The following PCDH8 variants were observed in gnomAD, a reference collection of about 807,000 sequenced individuals.
PCDH8 encodes the protein protocadherin-8.
A neutral mutation model predicts 58.2 loss-of-function variants in PCDH8; 36 were observed. That is an observed-to-expected ratio of 0.62 (90% CI 0.47 to 0.82). The LOEUF is 0.82. Ranked by LOEUF, PCDH8 falls within the 40% of genes least tolerant of loss-of-function variation. The pLI is 0.00. For synonymous variants in PCDH8, 775 were observed against 728.9 expected, an observed-to-expected ratio of 1.06 and a Z score of -1.02; for missense variants, 1,493 against 1,567.8, an observed-to-expected ratio of 0.95 and a Z score of 0.81.
chr13:52,846,663 T>C lies in PCDH8; in HGVS notation c.1774A>G (p.Ser592Gly). 1 of 1,602,826 alleles carries C rather than the reference T, an allele frequency of 6.2e-7. No individual in the cohort carries two copies. The highest frequency in any genetic ancestry group is 8.5e-7 in the Non-Finnish European group (1 of 1,177,774). Residue 592 changes from serine (S) to glycine (G), a missense_variant, in exon 1 of 3, where the codon AGC becomes GGC. Ser to Gly is a moderately conservative substitution (Grantham distance 56, BLOSUM62 0). Around this residue, in one of 3 missense-constraint regions of PCDH8, gnomAD observed 1,307 missense variants for 1,362.7 expected, o/e 0.96. Transcript: ENST00000377942. ...SDGGSPQLSS[S>G]ALVQVRVLDQ... ...AGCACGCGCACTTGCACTAGGGCGC[T>C]GCTGGAAAGCTGAGGGGAGCCGCCG...
Position 52,846,696 on chromosome 13 carries a change from C to T in PCDH8, c.1741G>A (p.Ala581Thr). 8.8e-6 allele frequency: 14 copies of T among 1,599,734 alleles called. No individual in the cohort carries two copies. Among genetic ancestry groups the T allele is most frequent in the Non-Finnish European group, 1.1e-5 (13 of 1,177,124 alleles). ...AGCTGAGGGGAGCCGCCGTCGCTAGCTTGGATGCGAACGTCGAGTTGGCGC... is the reference window on the plus strand; with the variant it reads ...AGCTGAGGGGAGCCGCCGTCGCTAGTTTGGATGCGAACGTCGAGTTGGCGC... The part of the protein sequence containing the change: ...TLRQLDVRIQ[A>T]SDGGSPQLSS... The change falls in exon 1 of 3, where the codon GCT (alanine) becomes ACT (threonine). Residue 581 changes from alanine (A) to threonine (T), a missense_variant. By Grantham distance (58) the Ala-to-Thr change is moderately conservative (BLOSUM62 0). Transcript: ENST00000377942.
At chr13:52,845,693 A>G in intron 1 of PCDH8, 61 bp from the exon 2 acceptor site, 1 of 1,576,360 alleles carries the variant, frequency 6.3e-7, no homozygotes, top group South Asian at 1.1e-5. Flanking sequence ...CAAACAAAAA[A>G]CAAGTGCGAC....
Position 52,848,469 on chromosome 13 carries a change from A to C in PCDH8, c.-33T>G, listed in dbSNP as rs1333795018. The stretch of plus-strand genomic sequence containing the variant: ...GCCTCAAGTGCGATCCGAAAGGCTA[A>C]GGAAGTCTTCTCTGGTTTCCAGGTC... On this transcript the variant is annotated 5_prime_UTR_variant, in exon 1 of 3. Coordinates refer to ENST00000377942, the MANE Select transcript of PCDH8 (RefSeq NM_002590.4). The C allele has an allele frequency of 3.2e-6, 5 of 1,545,116 alleles. No individual in the cohort carries two copies. In the South Asian group the frequency reaches 6.1e-5, roughly 19 times the overall value.
Position 52,844,521 on chromosome 13 carries a change from G to T in PCDH8, c.*39C>A. ...CCGGTCAATAACTTAGGGGCTTCTC[G>T]GAGTGACCTGTATATGTGTGAAGAC... On this transcript the variant is annotated 3_prime_UTR_variant, in exon 3 of 3. Coordinates refer to ENST00000377942, the MANE Select transcript of PCDH8 (RefSeq NM_002590.4). 3 of 1,499,088 alleles carry T rather than the reference G, an allele frequency of 2.0e-6. No homozygotes were observed. Among genetic ancestry groups the T allele is most frequent in the South Asian group, 1.4e-5 (1 of 73,014 alleles). 92.9% of individuals were successfully genotyped at this position (1,499,088 alleles called of 1,614,324 possible). A position where few individuals can be genotyped will look rare whatever the true frequency, so the allele number is the denominator to read the frequency against.
chr13:52,845,775 A>AG (rs1965720236), intron 1 of PCDH8, 31 bp downstream of exon 1: 1 of 1,497,558 alleles, frequency 6.7e-7, no homozygotes, highest in Non-Finnish European at 8.8e-7. Context: ...CGGAGCTCGG[A>AG]GGGGGGCGCC....
chr13:52,848,541 T>A lies in PCDH8; in HGVS notation c.-105A>T. On this transcript the variant is annotated 5_prime_UTR_variant, in exon 1 of 3. Coordinates refer to ENST00000377942, the MANE Select transcript of PCDH8 (RefSeq NM_002590.4). The stretch of plus-strand genomic sequence containing the variant: ...GGAATCACGCTCTTTGCGAGCCCTG[T>A]GCGGGAGAAGTCTGCGGGTAGCAGC... The A allele has an allele frequency of 6.9e-7, 1 of 1,448,300 alleles. No homozygotes were observed. The allele number at this position is 1,448,300 out of a possible 1,614,324, so 89.7% of individuals were successfully genotyped here.
rs1965732379 is a variant in PCDH8 at position 52,846,230 on chromosome 13, C to T, written c.2207G>A (p.Arg736Gln). Residue 736 changes from arginine (R) to glutamine (Q), a missense_variant, in exon 1 of 3, where the codon CGG (arginine) becomes CAG (glutamine). This residue lies in a region of PCDH8 where 1,307 missense variants were observed against 1,362.7 expected (regional missense o/e 0.96). Coordinates refer to ENST00000377942, the MANE Select transcript of PCDH8 (RefSeq NM_002590.4). ...CAGCACCGACCCGGACACCCCGAGC[C>T]GAGAGCCAGGCGGGCGGGAACGCTC... is the stretch of plus-strand genomic sequence containing the variant. The part of the protein sequence containing the change: ...SPERSRPPGS[R>Q]LGVSGSVLQW... The T allele has an allele frequency of 1.3e-6, 2 of 1,585,662 alleles. No homozygotes were observed. The highest frequency in any genetic ancestry group is 8.5e-7 in the Non-Finnish European group (1 of 1,173,018).
chr13:52,845,057 T>C, intron 2 of PCDH8, 124 bp from the exon 3 acceptor site: 3 of 1,024,512 alleles, frequency 2.9e-6, no homozygotes, highest in Non-Finnish European at 4.2e-6. Context: ...TGCGCATAGA[T>C]ATACACCGTG....
rs1300093218 is a variant in PCDH8, at chr13:52,846,366, C to T, written c.2071G>A (p.Val691Ile). 9 of 1,583,126 alleles carry T rather than the reference C, an allele frequency of 5.7e-6. No individual in the cohort carries two copies. Among genetic ancestry groups the T allele is most frequent in the Non-Finnish European group, 7.7e-6 (9 of 1,167,068 alleles). ...PPGRVFRALL[V>I]ISDGGRPPLT... Reference sequence around the variant, plus strand: ...GGGGGACGGCCGCCGTCGGATATGACCAGGAGCGCCCTGAACACGCGACCG... The same window carrying T: ...GGGGGACGGCCGCCGTCGGATATGATCAGGAGCGCCCTGAACACGCGACCG... Residue 691 changes from valine to isoleucine, a missense_variant, in exon 1 of 3, where the codon GTC becomes ATC. Coordinates refer to ENST00000377942, the MANE Select transcript of PCDH8 (RefSeq NM_002590.4).
Position 52,847,791 on chromosome 13 carries a change from C to A in PCDH8, c.646G>T (p.Val216Leu), listed in dbSNP as rs1251478950. 6.8e-7 allele frequency: 1 copy of A among 1,472,180 alleles called. No homozygotes were observed. The highest frequency in any genetic ancestry group is 8.9e-7 in the Non-Finnish European group (1 of 1,120,776). 91.2% of individuals were successfully genotyped at this position (1,472,180 alleles called of 1,614,324 possible). Residue 216 changes from valine to leucine, a missense_variant, in exon 1 of 3, where the codon GTG becomes TTG. This residue lies in a region of PCDH8 where 1,307 missense variants were observed against 1,362.7 expected (regional missense o/e 0.96). Coordinates refer to ENST00000377942, the MANE Select transcript of PCDH8 (RefSeq NM_002590.4). Reference protein sequence around the residue: ...ESQAAYSLELVAQDGGRPPRS... With the variant: ...ESQAAYSLELLAQDGGRPPRS... ...GGCGGGCGGCCGCCGTCCTGGGCCA[C>A]CAGCTCCAGGCTGTAGGCGGCCTGG... is the stretch of plus-strand genomic sequence containing the variant.
In PCDH8 at chr13:52,844,884, G is replaced by T. The variant is rs927783933; in HGVS notation, c.2889C>A (p.Arg963=). 1 of 1,578,130 alleles carries T rather than the reference G, an allele frequency of 6.3e-7. No individual in the cohort carries two copies. The highest frequency in any genetic ancestry group is 1.2e-5 in the South Asian group (1 of 84,182). Residue 963 remains arginine, a synonymous_variant, in exon 3 of 3, where the codon CGC becomes CGA. Transcript: ENST00000377942. ...GCCCGCTGCAGGATGGGCTCCAGCA[G>T]CGGTCAGAGTGGCCCAGGATCTTAC... is the stretch of plus-strand genomic sequence containing the variant. ...AECKILGHSD[R]CWSPSCSGPN...
chr13:52,847,371 T>G lies in PCDH8; in HGVS notation c.1066A>C (p.Ile356Leu). The change falls in exon 1 of 3, where the codon ATC becomes CTC. Residue 356 changes from isoleucine (I) to leucine (L), a missense_variant. Ile to Leu is a conservative substitution (Grantham distance 5). This residue lies in a region of PCDH8 where 1,307 missense variants were observed against 1,362.7 expected (regional missense o/e 0.96). Coordinates refer to ENST00000377942, the MANE Select transcript of PCDH8 (RefSeq NM_002590.4). ...DVNDNAPDIA[I>L]TPLAAPGAPA... ...GCGCCTGGGGCGGCCAGCGGGGTGA[T>G]GGCGATGTCGGGTGCGTTGTCATTG... is the stretch of plus-strand genomic sequence containing the variant. The G allele has an allele frequency of 6.6e-7, 1 of 1,515,552 alleles. No homozygotes were observed. The highest frequency in any genetic ancestry group is 2.1e-5 in the Admixed American group (1 of 48,328). 93.9% of individuals were successfully genotyped at this position (1,515,552 alleles called of 1,614,324 possible).
chr13:52,845,709 GT>G, intron 1 of PCDH8, 77 bp from the exon 2 acceptor site: 2 of 1,547,908 alleles, frequency 1.3e-6, no homozygotes, highest in Admixed American at 3.8e-5. Flanking sequence ...GCGACAGGTT[GT>G]CTACCTGAAT....
rs1965729455 is a variant in PCDH8, at chr13:52,846,108, G to C, written c.2329C>G (p.Arg777Gly). ...IIAIATTCNR[R>G]KKEVRKGGAL... ...CCCCCTTTGCGCACCTCCTTCTTGC[G>C]GCGGTTGCAGGTGGTGGCGATGGCG... Residue 777 changes from arginine to glycine, a missense_variant, in exon 1 of 3, where the codon CGC becomes GGC. Arg to Gly is a moderately radical substitution (Grantham distance 125, BLOSUM62 -2). Around this residue, in one of 3 missense-constraint regions of PCDH8, gnomAD observed 1,307 missense variants for 1,362.7 expected, o/e 0.96. Transcript: ENST00000377942. 6.3e-7 allele frequency: 1 copy of C among 1,579,944 alleles called. No individual in the cohort carries two copies. The highest frequency in any genetic ancestry group is 8.5e-7 in the Non-Finnish European group (1 of 1,170,346).
Position 52,846,897 on chromosome 13 carries a change from C to T in PCDH8, c.1540G>A (p.Ala514Thr). ...CGGGCGGCCACCGTGGCCAGGTAGG[C>T]GCCTGGCGGGTTGTTCTCGCGCACC... ...VSVRENNPPG[A>T]YLATVAARDR... The change falls in exon 1 of 3, where the codon GCC becomes ACC. Residue 514 changes from alanine (A) to threonine (T), a missense_variant. Ala to Thr is a moderately conservative substitution (Grantham distance 58). This residue lies in a region of PCDH8 where 1,307 missense variants were observed against 1,362.7 expected (regional missense o/e 0.96). Coordinates refer to ENST00000377942, the MANE Select transcript of PCDH8 (RefSeq NM_002590.4). 1 of 1,573,298 alleles carries T rather than the reference C, an allele frequency of 6.4e-7. No individual in the cohort carries two copies. The highest frequency in any genetic ancestry group is 8.6e-7 in the Non-Finnish European group (1 of 1,163,264).
chr13:52,846,132 C>A lies in PCDH8; in HGVS notation c.2305G>T (p.Ala769Ser). 1 of 1,582,138 alleles carries A rather than the reference C, an allele frequency of 6.3e-7. No homozygotes were observed. The highest frequency in any genetic ancestry group is 8.5e-7 in the Non-Finnish European group (1 of 1,171,780). ...SCTLLLAAII[A>S]IATTCNRRKK... Reference sequence around the variant, plus strand: ...CGGCGGTTGCAGGTGGTGGCGATGGCGATGATGGCGGCCAGCAGCAGCGTG... The same window carrying A: ...CGGCGGTTGCAGGTGGTGGCGATGGAGATGATGGCGGCCAGCAGCAGCGTG... The change falls in exon 1 of 3, where the codon GCC becomes TCC. Residue 769 changes from alanine (A) to serine (S), a missense_variant. This residue lies in a region of PCDH8 where 1,307 missense variants were observed against 1,362.7 expected (regional missense o/e 0.96). Coordinates refer to ENST00000377942, the MANE Select transcript of PCDH8 (RefSeq NM_002590.4).
Position 52,845,591 on chromosome 13 carries a change from G to A in PCDH8, c.2673C>T (p.Pro891=), listed in dbSNP as rs772552113. 5.6e-6 allele frequency: 9 copies of A among 1,614,044 alleles called. No individual in the cohort carries two copies. Among genetic ancestry groups the A allele is most frequent in the South Asian group, 5.5e-5 (5 of 91,086 alleles). ...ASPGFGKEPA[P]PVAVWKGHSF... is the part of the protein sequence containing the mutation. ...AGTGTCCTTTCCACACCGCCACAGG[G>A]GGCGCCGGCTCCTTTCCAAAACCCG... The change falls in exon 2 of 3, where the codon CCC becomes CCT. Residue 891 remains proline, a synonymous_variant. Coordinates refer to ENST00000377942, the MANE Select transcript of PCDH8 (RefSeq NM_002590.4).
In PCDH8 at chr13:52,844,079, G is replaced by A. The variant is rs1384437813; in HGVS notation, c.*481C>T. The A allele has an allele frequency of 6.5e-6, 1 of 152,712 alleles. No individual in the cohort carries two copies. The highest frequency in any genetic ancestry group is 1.5e-5 in the Non-Finnish European group (1 of 68,146). The allele number at this position is 152,712 out of a possible 1,614,324, so 9.5% of individuals were successfully genotyped here. On this transcript the variant is annotated 3_prime_UTR_variant, in exon 3 of 3. Coordinates refer to ENST00000377942, the MANE Select transcript of PCDH8 (RefSeq NM_002590.4). The stretch of plus-strand genomic sequence containing the variant: ...CATTGAACTTGAAATCTACCACAGA[G>A]TCAAGATATACAAGTTATACTTGGC...
Position 52,842,947 on chromosome 13 carries a change from A to C in PCDH8, c.*1613T>G, listed in dbSNP as rs1965684377. ...AACCTAGGTTTGAATCTCACCCTGG[A>C]TACTTATTAGCTGTGTGATTTTTGG... is the stretch of plus-strand genomic sequence containing the variant. On this transcript the variant is annotated 3_prime_UTR_variant, in exon 3 of 3. Coordinates refer to ENST00000377942, the MANE Select transcript of PCDH8 (RefSeq NM_002590.4). The C allele has an allele frequency of 6.6e-6, 1 of 151,284 alleles. No individual in the cohort carries two copies. The highest frequency in any genetic ancestry group is 2.4e-5 in the African/African-American group (1 of 41,214). 9.4% of individuals were successfully genotyped at this position (151,284 alleles called of 1,614,324 possible).
Sources: allele counts gnomAD v4.1 joint callset, GRCh38; gene constraint gnomAD v4.1.1; regional missense constraint gnomAD v4.1.1; transcripts MANE v1.5; gene names NCBI Gene and HGNC (gene_info 2026-07-23, HGNC 2026-07-21).